The following TSHR variants were observed in gnomAD, a reference collection of about 807,000 sequenced individuals.
TSHR encodes the protein thyroid stimulating hormone receptor.
In TSHR, 51 loss-of-function variants were observed where a neutral mutation model predicts 64.1. The ratio of observed to expected loss-of-function variants is 0.80; its 90% CI spans 0.64 to 1.01. The LOEUF (loss-of-function observed/expected upper bound fraction) is 1.01, where lower values mean the gene tolerates loss of function less well. TSHR is among the 50% of genes least tolerant of loss of function. The pLI is 0.00. For synonymous variants in TSHR, 361 were observed against 361.9 expected (o/e 1.00, Z 0.03); for missense variants, 877 against 942.8 (o/e 0.93, Z 0.91).
chr14:81,094,026 G>A (rs1362006377), intron 6 of TSHR, among the ~76,000 whole-genome samples: 1 of 152,060 alleles, frequency 6.6e-6, no homozygotes, highest in East Asian at 1.9e-4. Flanking sequence ...CCCAGCATGT[G>A]TTTCTAGAAA....
At chr14:81,114,073 T>C (rs897268452) in intron 8 of TSHR, among the ~76,000 whole-genome samples, 2 of 150,134 alleles carry the variant, frequency 1.3e-5, no homozygotes, top group African/African-American at 2.5e-5. Flanking sequence ...ATTGGCAAAA[T>C]GTATACCTTC....
At chr14:80,981,102 TTTTTA>T (rs1888145732) in intron 1 of TSHR, among the ~76,000 whole-genome samples, 1 of 152,248 alleles carries the variant, frequency 6.6e-6, no homozygotes, top group African/African-American at 2.4e-5. Context: ...AATTGTTACC[TTTTTA>T]TTTTATAATT....
At chr14:81,000,961 G>A (rs529034603) in intron 1 of TSHR, among the ~76,000 whole-genome samples, 6 of 152,244 alleles carry the variant, frequency 3.9e-5, no homozygotes, top group Admixed American at 2.0e-4. Context: ...CCTGTGGGCT[G>A]AGTAAAATGC....
At chr14:81,057,365 T>G (rs1429674762) in intron 1 of TSHR, among the ~76,000 whole-genome samples, 1 of 152,004 alleles carries the variant, frequency 6.6e-6, no homozygotes, top group African/African-American at 2.4e-5. Flanking sequence ...GAGCCAAGAT[T>G]GCACCACTGT....
At chr14:81,038,130 G>C (rs1469372883) in intron 1 of TSHR, among the ~76,000 whole-genome samples, 1 of 151,964 alleles carries the variant, frequency 6.6e-6, no homozygotes, top group Admixed American at 6.6e-5. Flanking sequence ...AGCATATTAA[G>C]TATTTTTCTG....
chr14:81,017,869 G>A (rs1445685927), intron 1 of TSHR, among the ~76,000 whole-genome samples: 5 of 142,266 alleles, frequency 3.5e-5, no homozygotes, highest in Admixed American at 1.5e-4. Flanking sequence ...TCACTCTGTC[G>A]CCCAGGCTGG....
chr14:81,053,993 G>C (rs1699085276), intron 1 of TSHR, among the ~76,000 whole-genome samples: 1 of 152,202 alleles, frequency 6.6e-6, no homozygotes, highest in Admixed American at 6.5e-5. Flanking sequence ...TGTGATGATA[G>C]AAGTCAGAAT....
At chr14:81,094,684 T>TA in intron 6 of TSHR, among the ~76,000 whole-genome samples, 1 of 115,528 alleles carries the variant, frequency 8.7e-6, no homozygotes, top group South Asian at 3.1e-4. Flanking sequence ...TTTTAATTTT[T>TA]TTTTTTTTTT....
chr14:80,979,288 A>T (rs1291582161), intron 1 of TSHR, among the ~76,000 whole-genome samples: 1 of 152,248 alleles, frequency 6.6e-6, no homozygotes, highest in Non-Finnish European at 1.5e-5. Context: ...GGAGTCTAAC[A>T]TCATGCATAT....
chr14:81,051,916 A>T (rs1885455468), intron 1 of TSHR: 1 of 152,082 alleles, frequency 6.6e-6, no homozygotes, highest in Admixed American at 6.6e-5. Context: ...AGTTCCTTAT[A>T]TATTTTTGAT....
chr14:80,990,251 C>G (rs1034108686), intron 1 of TSHR, among the ~76,000 whole-genome samples: 1 of 152,228 alleles, frequency 6.6e-6, no homozygotes, highest in Non-Finnish European at 1.5e-5. Context: ...CCTGGAAACC[C>G]AGCAGGGAAT....
At chr14:81,080,761 C>A (rs898211427) in intron 3 of TSHR, among the ~76,000 whole-genome samples, 12 of 152,062 alleles carry the variant, frequency 7.9e-5, no homozygotes, top group African/African-American at 2.9e-4. Flanking sequence ...ATTCTGTGAA[C>A]TTTCATATTA....
Position 81,143,531 on chromosome 14 carries a change from C to T in TSHR, c.1473C>T (p.Gly491=), listed in dbSNP as rs751263831. ...YYNHAIDWQT[G]PGCNTAGFFT... ...ACCATGCCATCGACTGGCAGACAGG[C>T]CCTGGGTGCAACACGGCTGGTTTCT... is the stretch of plus-strand genomic sequence containing the variant. Residue 491 remains glycine, a synonymous_variant, in exon 10 of 10, where the codon GGC becomes GGT. Transcript: ENST00000298171. 1.2e-6 allele frequency: 2 copies of T among 1,613,532 alleles called. No homozygotes were observed. Among genetic ancestry groups the T allele is most frequent in the South Asian group, 1.1e-5 (1 of 91,080 alleles).
chr14:81,104,615 C>T (rs954891030), intron 7 of TSHR: 83 of 985,306 alleles, frequency 8.4e-5, no homozygotes, highest in Non-Finnish European at 9.9e-5. Context: ...CTATGTGCCA[C>T]GAGTGAGTCC....
intron 1 of TSHR, among the ~76,000 whole-genome samples, chr14:81,023,965 C>T (rs1449853389): frequency 6.6e-6 from 1 of 152,022 alleles, no homozygotes; most frequent in Non-Finnish European, 1.5e-5. Context: ...CTATGTACCC[C>T]CTAAAATTTT....
intron 3 of TSHR, among the ~76,000 whole-genome samples, chr14:81,079,553 T>C (rs1183431922): frequency 6.6e-6 from 1 of 152,102 alleles, no homozygotes; most frequent in African/African-American, 2.4e-5. Flanking sequence ...ATATCTGCAA[T>C]AATTAAAGAA....
chr14:81,092,464 C>T (rs1419460487), intron 5 of TSHR, 67 bp from the exon 6 acceptor site: 1 of 1,418,906 alleles, frequency 7.0e-7, no homozygotes, highest in Non-Finnish European at 1.0e-6. Context: ...TGCATATGCG[C>T]AGCAAGACCC....
intron 5 of TSHR, among the ~76,000 whole-genome samples, chr14:81,092,147 C>T (rs1888786817): frequency 6.6e-6 from 1 of 152,170 alleles, no homozygotes; most frequent in Non-Finnish European, 1.5e-5. Flanking sequence ...AAATGAAATC[C>T]TTTAATCCTT....
intron 1 of TSHR, chr14:81,050,198 G>A (rs1488633641): frequency 6.6e-6 from 1 of 152,172 alleles, no homozygotes; most frequent in Non-Finnish European, 1.5e-5. Context: ...CAGCAATAAA[G>A]CCAAAGGAAA....
Sources: allele counts gnomAD v4.1 joint callset (sites outside exome capture counted in the v4.1 genomes callset), GRCh38; gene constraint gnomAD v4.1.1; transcripts MANE v1.5; gene names NCBI Gene and HGNC (gene_info 2026-07-23, HGNC 2026-07-21).